Variants in TRPV1 observed in about 807,000 individuals in gnomAD.
TRPV1 encodes the protein transient receptor potential cation channel subfamily V member 1.
TRPV1 carries 82 observed loss-of-function variants against 82.3 expected under a neutral mutation model. The observed-to-expected ratio is 1.00, with a 90% confidence interval of 0.83 to 1.20. The LOEUF is 1.20. TRPV1 is among the 50% of genes most tolerant of loss of function. The pLI is 0.00. For missense variants in TRPV1, 1,067 were observed against 1,096.8 expected (o/e 0.97, Z 0.38); for synonymous variants, 515 against 467.7 (o/e 1.10, Z -1.30).
chr17:3,590,927 C>A, intron 5 of TRPV1, 37 bp downstream of exon 5: 1 of 1,539,640 alleles, frequency 6.5e-7, no homozygotes, highest in Admixed American at 2.0e-5. Flanking sequence ...CCCGGTGCTG[C>A]GGGCTGAGCC....
chr17:3,585,701 C>T (rs367639944), intron 9 of TRPV1, 67 bp downstream of exon 9: 15 of 1,546,070 alleles, frequency 9.7e-6, no homozygotes, highest in Admixed American at 3.9e-5. Flanking sequence ...GGAGGTCTCC[C>T]GAAATGTCCA....
intron 2 of TRPV1, among the ~76,000 whole-genome samples, chr17:3,604,605 AAAAAAAAAAAAG>A (rs2075285458): frequency 1.2e-5 from 1 of 84,662 alleles, no homozygotes; most frequent in African/African-American, 1.3e-4. Context: ...AAAAGTCTCA[AAAAAAAAAAAAG>A]AAAAAGAAAA....
At chr17:3,584,402 C>CAAGAAAAAAAA (rs2075057678) in intron 9 of TRPV1, among the ~76,000 whole-genome samples, 5 of 16,746 alleles carry the variant, frequency 3.0e-4, no homozygotes, top group African/African-American at 9.3e-4. Flanking sequence ...GACTCTGTCT[C>CAAGAAAAAAAA]AAAAAAAAAA....
intron 2 of TRPV1, among the ~76,000 whole-genome samples, chr17:3,595,025 C>A (rs1434319552): frequency 6.6e-6 from 1 of 152,058 alleles, no homozygotes; most frequent in African/African-American, 2.4e-5. Context: ...ATGGATGATG[C>A]TTTGGAAGCC....
rs1159473835 is a variant in TRPV1 at position 3,588,671 on chromosome 17, G to C, written c.1045-304C>G. Among the ~76,000 whole-genome samples the C allele has an allele frequency of 2.0e-5, 3 of 151,966 alleles. No homozygotes were observed. The South Asian group carries it at 6.2e-4, about 32-fold the overall frequency. Reference sequence around the variant, plus strand: ...TGAAAATACAAAAAAAAAATTAGCCGGGCATGGTGGCGTGTTCCTGTAATC... The same window carrying C: ...TGAAAATACAAAAAAAAAATTAGCCCGGCATGGTGGCGTGTTCCTGTAATC... On this transcript the variant is annotated intron_variant, in intron 7 of 16. Coordinates refer to ENST00000572705, the MANE Select transcript of TRPV1 (RefSeq NM_080704.4).
In TRPV1 at chr17:3,571,556, C is replaced by T. The variant is rs200898926; in HGVS notation, c.2315G>A (p.Arg772His). 68 of 1,610,384 alleles carry T rather than the reference C, an allele frequency of 4.2e-5. No homozygotes were observed. The highest frequency in any genetic ancestry group is 2.7e-4 in the East Asian group (12 of 44,776). Residue 772 changes from arginine (R) to histidine (H), a missense_variant, in exon 16 of 17, where the codon CGC becomes CAC. Arg to His is a conservative substitution (Grantham distance 29, BLOSUM62 0). Transcript: ENST00000572705. ...EDPGNCEGVK[R>H]TLSFSLRSSR... ...TGACCGCAGGGAGAAGCTCAGGGTGCGCTTGACGCCCTCACAGTTGCCCGG... is the reference window on the plus strand; with the variant it reads ...TGACCGCAGGGAGAAGCTCAGGGTGTGCTTGACGCCCTCACAGTTGCCCGG...
intron 7 of TRPV1, 70 bp from the exon 8 acceptor site, chr17:3,588,437 C>G (rs1300014205): frequency 6.7e-7 from 1 of 1,499,622 alleles, no homozygotes; most frequent in South Asian, 1.3e-5. Flanking sequence ...CCTCAACAAC[C>G]AGCTCTGCTT....
chr17:3,594,020 C>T (rs1976481), intron 2 of TRPV1, among the ~76,000 whole-genome samples: 31,487 of 148,684 alleles, frequency 0.21, 3,721 homozygotes, highest in South Asian at 0.29. Flanking sequence ...CCCAGCTACT[C>T]GGGAGGCTGA....
chr17:3,604,297 T>A (rs2075283300), intron 2 of TRPV1, among the ~76,000 whole-genome samples: 1 of 151,600 alleles, frequency 6.6e-6, no homozygotes, highest in Non-Finnish European at 1.5e-5. Context: ...TCAGTCCACT[T>A]CAGAAGAAGA....
At chr17:3,590,930 G>A (rs745644403) in intron 5 of TRPV1, 34 bp downstream of exon 5, 2 of 1,549,716 alleles carry the variant, frequency 1.3e-6, no homozygotes, top group South Asian at 2.5e-5. Flanking sequence ...GGTGCTGCGG[G>A]CTGAGCCATG....
rs1355486803 is a variant in TRPV1 at position 3,592,150 on chromosome 17, T to C, written c.201A>G (p.Glu67=). The stretch of plus-strand genomic sequence containing the variant: ...TGGTCGGGCAGGAGTCCAGCTCACC[T>C]TCCTCGTGAGGGCAATCCACCGGGA... ...EAFPVDCPHE[E]GELDSCPTIT... is the part of the protein sequence containing the mutation. Residue 67 remains glutamate, a synonymous_variant, in exon 3 of 17, where the codon GAA becomes GAG. Coordinates refer to ENST00000572705, the MANE Select transcript of TRPV1 (RefSeq NM_080704.4). The C allele has an allele frequency of 6.2e-7, 1 of 1,613,858 alleles. No individual in the cohort carries two copies. Among genetic ancestry groups the C allele is most frequent in the Admixed American group, 1.7e-5 (1 of 59,998 alleles).
At chr17:3,583,479 C>A in intron 9 of TRPV1, 49 bp from the exon 10 acceptor site, 1 of 1,429,508 alleles carries the variant, frequency 7.0e-7, no homozygotes, top group Non-Finnish European at 9.7e-7. Flanking sequence ...TTCGTTCATT[C>A]AACAAACATG....
intron 16 of TRPV1, among the ~76,000 whole-genome samples, chr17:3,568,458 G>A (rs1040513672): frequency 6.6e-6 from 1 of 152,208 alleles, no homozygotes; most frequent in Admixed American, 6.5e-5. Context: ...ACAGGATGCA[G>A]GGATTGCTTC....
At chr17:3,574,917 C>CAAAAAA (rs55990804) in intron 13 of TRPV1, among the ~76,000 whole-genome samples, 10 of 82,932 alleles carry the variant, frequency 1.2e-4, no homozygotes, top group African/African-American at 3.7e-4. Flanking sequence ...GACTCTATCT[C>CAAAAAA]AAAAAAAAAA....
In TRPV1 at chr17:3,577,610, G is replaced by A. The variant is rs776903738; in HGVS notation, c.1701C>T (p.Val567=). The change falls in exon 12 of 17, where the codon GTC becomes GTT. Residue 567 remains valine (V), a synonymous_variant. Coordinates refer to ENST00000572705, the MANE Select transcript of TRPV1 (RefSeq NM_080704.4). ...RGFQQMGIYA[V]MIEKMILRDL... is the part of the protein sequence containing the mutation. ...CCAGGGAACCCACCTTCTCTATCAT[G>A]ACGGCATAGATGCCCATCTGCTGGA... 2 of 1,578,696 alleles carry A rather than the reference G, an allele frequency of 1.3e-6. No individual in the cohort carries two copies. Among genetic ancestry groups the A allele is most frequent in the Non-Finnish European group, 1.7e-6 (2 of 1,162,466 alleles).
intron 13 of TRPV1, among the ~76,000 whole-genome samples, chr17:3,576,668 A>AAAAAAAAAATATATATATATATAT: frequency 2.3e-4 from 9 of 38,388 alleles, no homozygotes; most frequent in Non-Finnish European, 1.1e-4. Flanking sequence ...AAAAAAAAAA[A>AAAAAAAAAATATATATATATATAT]ATATATATAT....
chr17:3,591,377 T>C, intron 3 of TRPV1, 24 bp from the exon 4 acceptor site: 1 of 1,545,222 alleles, frequency 6.5e-7, no homozygotes, highest in Non-Finnish European at 8.7e-7. Flanking sequence ...AACACGCTCG[T>C]CTCATACCCT....
At chr17:3,607,848 G>A (rs760753165) in intron 2 of TRPV1, among the ~76,000 whole-genome samples, 3 of 152,080 alleles carry the variant, frequency 2.0e-5, no homozygotes, top group Non-Finnish European at 2.9e-5. Context: ...AAGTAGAACG[G>A]TTTTAACAAT....
rs547928832 is a variant in TRPV1, at chr17:3,574,606, C to T, written c.1781-651G>A. Among the ~76,000 whole-genome samples, 9 of 152,268 alleles carry T rather than the reference C, an allele frequency of 5.9e-5. 1 individual carries two copies. The South Asian group carries it at 1.9e-3, about 32-fold the overall frequency. Reference sequence around the variant, plus strand: ...CAGGGAGGGTGCACCATGTGAACCACGTAACTGTGGGACTCGGATGAGCAT... The same window carrying T: ...CAGGGAGGGTGCACCATGTGAACCATGTAACTGTGGGACTCGGATGAGCAT... On this transcript the variant is annotated intron_variant, in intron 13 of 16. Transcript: ENST00000572705.
Sources: allele counts gnomAD v4.1 joint callset (sites outside exome capture counted in the v4.1 genomes callset), GRCh38; gene constraint gnomAD v4.1.1; transcripts MANE v1.5; gene names NCBI Gene and HGNC (gene_info 2026-07-23, HGNC 2026-07-21).